Variants in C21orf58 observed in about 807,000 individuals in gnomAD.
C21orf58 encodes chromosome 21 open reading frame 58, also known as uncharacterized protein C21orf58.
Under a neutral mutation model 35.8 loss-of-function variants are expected in C21orf58, and 34 were observed. That is an observed-to-expected ratio of 0.95 (90% CI 0.72 to 1.26). The LOEUF (loss-of-function observed/expected upper bound fraction) is 1.26. C21orf58 is among the 50% of genes most tolerant of loss of function. C21orf58 has a pLI of 0.00. For synonymous variants in C21orf58, 191 were observed against 175.8 expected, an observed-to-expected ratio of 1.09 and a Z score of -0.68; for missense variants, 440 against 414.3, an observed-to-expected ratio of 1.06 and a Z score of -0.54.
rs572676692 is a variant in C21orf58, at chr21:46,301,667, G to A, written c.*332C>T. ...CGTCCACGGCCTCAACTTTACCTCC[G>A]TGATGGAAGAGGGGGATCTGAGGCT... On this transcript the variant is annotated 3_prime_UTR_variant, in exon 8 of 8. Coordinates refer to ENST00000291691, the MANE Select transcript of C21orf58 (RefSeq NM_058180.5). 28 of 1,119,544 alleles carry A rather than the reference G, an allele frequency of 2.5e-5. No homozygotes were observed. The East Asian group carries it at 5.3e-4, about 21-fold the overall frequency. The allele number at this position is 1,119,544 out of a possible 1,614,324, so 69.4% of individuals were successfully genotyped here.
intron 3 of C21orf58, among the ~76,000 whole-genome samples, chr21:46,316,665 C>T (rs1389110953): frequency 1.3e-5 from 2 of 152,242 alleles, no homozygotes; most frequent in East Asian, 1.9e-4. Flanking sequence ...GGTAGCCATT[C>T]TATTCCCTCG....
chr21:46,304,500 A>C (rs904795792), intron 6 of C21orf58, among the ~76,000 whole-genome samples: 13 of 151,726 alleles, frequency 8.6e-5, no homozygotes, highest in African/African-American at 3.1e-4. Context: ...AAAAAAAAAA[A>C]CCTCAAAAAA....
intron 6 of C21orf58, among the ~76,000 whole-genome samples, chr21:46,307,755 G>A (rs1185046405): frequency 7.9e-5 from 12 of 152,120 alleles, no homozygotes; most frequent in Non-Finnish European, 1.5e-5. Flanking sequence ...CAGATTTGAG[G>A]ACAGCTGTCA....
chr21:46,302,355 C>T, intron 7 of C21orf58, 130 bp downstream of exon 7: 1 of 1,060,060 alleles, frequency 9.4e-7, no homozygotes, highest in Non-Finnish European at 1.4e-6. Flanking sequence ...GGGATGGGGG[C>T]TTCACAGCCA....
chr21:46,322,607 G>T, intron 1 of C21orf58, 32 bp downstream of exon 1: 1 of 1,479,904 alleles, frequency 6.8e-7, no homozygotes, highest in Non-Finnish European at 9.0e-7. Flanking sequence ...TCCGAGTCTG[G>T]GAACCAGGAG....
intron 5 of C21orf58, among the ~76,000 whole-genome samples, chr21:46,312,159 AGAC>A (rs1203954484): frequency 2.6e-5 from 4 of 152,292 alleles, no homozygotes; most frequent in African/African-American, 9.6e-5. Flanking sequence ...GATTAACCCC[AGAC>A]ACTGAATAAA....
At position 46,301,398 on chromosome 21, in the gene C21orf58, C is replaced by T. The variant is rs1028808243; in HGVS notation, c.*601G>A. The T allele has an allele frequency of 2.4e-6, 2 of 828,674 alleles. No homozygotes were observed. Among genetic ancestry groups the T allele is most frequent in the Non-Finnish European group, 2.9e-6 (2 of 687,102 alleles). The allele number at this position is 828,674 out of a possible 1,614,324, so 51.3% of individuals were successfully genotyped here. ...CTGAGCTCAAGTGATCCTCCTGCCT[C>T]AGCCTCTTAAAGTGCTGGGATTACA... is the stretch of plus-strand genomic sequence containing the variant. On this transcript the variant is annotated 3_prime_UTR_variant, in exon 8 of 8. Coordinates refer to ENST00000291691, the MANE Select transcript of C21orf58 (RefSeq NM_058180.5).
At chr21:46,317,148 C>T in intron 3 of C21orf58, 60 bp downstream of exon 3, 4 of 1,534,328 alleles carry the variant, frequency 2.6e-6, no homozygotes, top group Non-Finnish European at 3.6e-6. Context: ...GGTGGCTCCC[C>T]CTGGAGTGGC....
chr21:46,312,596 G>T (rs1021950775), intron 5 of C21orf58, among the ~76,000 whole-genome samples: 1 of 152,188 alleles, frequency 6.6e-6, no homozygotes, highest in Non-Finnish European at 1.5e-5. Flanking sequence ...CCAGGCAGGG[G>T]AAATGCAGTA....
In C21orf58 at chr21:46,302,071, ATGGTGGTGGTGG is replaced by A; in HGVS notation, c.885_896del (p.His296_His299del). On this transcript the variant is annotated inframe_deletion, in exon 8 of 8. Coordinates refer to ENST00000291691, the MANE Select transcript of C21orf58 (RefSeq NM_058180.5). ...TGGCAGCCCCAGGTGGCCACACAGC[ATGGTGGTGGTGG>A]TGGTGGTGGTGCACGGCAGGCAGCC... 6.6e-7 allele frequency: 1 copy of A among 1,506,782 alleles called. No individual in the cohort carries two copies. The highest frequency in any genetic ancestry group is 8.9e-7 in the Non-Finnish European group (1 of 1,121,482). 93.3% of individuals were successfully genotyped at this position (1,506,782 alleles called of 1,614,324 possible).
chr21:46,317,149 C>T (rs1277195788), intron 3 of C21orf58, 59 bp downstream of exon 3: 2 of 1,541,216 alleles, frequency 1.3e-6, no homozygotes, highest in African/African-American at 1.4e-5. Context: ...GTGGCTCCCC[C>T]TGGAGTGGCT....
intron 6 of C21orf58, among the ~76,000 whole-genome samples, chr21:46,310,596 G>T (rs2082637345): frequency 6.6e-6 from 1 of 151,838 alleles, no homozygotes; most frequent in South Asian, 2.1e-4. Context: ...ATCACCTGAG[G>T]TTGGGAGTTC....
chr21:46,322,741 C>A lies in C21orf58; in HGVS notation c.-3G>T. The A allele has an allele frequency of 2.0e-6, 3 of 1,493,222 alleles. No homozygotes were observed. Among genetic ancestry groups the A allele is most frequent in the South Asian group, 1.3e-5 (1 of 77,470 alleles). 92.5% of individuals were successfully genotyped at this position (1,493,222 alleles called of 1,614,324 possible). ...GCAGGGAGCCGAGATCGCGCCATTG[C>A]GCTATAGCCTGGGCGTCGCAGCGAG... On this transcript the variant is annotated 5_prime_UTR_variant, in exon 1 of 8. Transcript: ENST00000291691.
chr21:46,315,032 G>C (rs1159778435), intron 4 of C21orf58, 152 bp from the exon 5 acceptor site: 1 of 1,529,448 alleles, frequency 6.5e-7, no homozygotes, highest in Non-Finnish European at 8.8e-7. Context: ...CCAGGGTTAT[G>C]TGCATGAGGG....
chr21:46,306,518 GA>G, intron 6 of C21orf58, among the ~76,000 whole-genome samples: 1 of 152,056 alleles, frequency 6.6e-6, no homozygotes. Flanking sequence ...AATCTTTTAT[GA>G]ATTCCTTTAG....
At chr21:46,311,662 A>G in intron 5 of C21orf58, 95 bp from the exon 6 acceptor site, 1 of 541,518 alleles carries the variant, frequency 1.8e-6, no homozygotes. Context: ...CATCCAACCA[A>G]CCAACCAACC....
At position 46,311,479 on chromosome 21, in the gene C21orf58, T is replaced by TGGG; in HGVS notation, c.697_698insCCC (p.Thr232_Gln233insPro). The TGGG allele has an allele frequency of 6.2e-7, 1 of 1,605,098 alleles. No homozygotes were observed. The highest frequency in any genetic ancestry group is 8.5e-7 in the Non-Finnish European group (1 of 1,173,744). On this transcript the variant is annotated inframe_insertion, in exon 6 of 8. Transcript: ENST00000291691. The stretch of plus-strand genomic sequence containing the variant: ...ACCTTCCTTAATACTTCCTGACCGT[T>TGGG]GAGTAGGGAAGGCCTGGGGAGGAGG...
At chr21:46,312,770 T>C (rs893347490) in intron 5 of C21orf58, among the ~76,000 whole-genome samples, 2 of 152,202 alleles carry the variant, frequency 1.3e-5, no homozygotes, top group Non-Finnish European at 2.9e-5. Context: ...GTTGAGCATC[T>C]GGGGCAGACC....
At chr21:46,321,275 T>C (rs2083148795) in intron 1 of C21orf58, among the ~76,000 whole-genome samples, 1 of 152,184 alleles carries the variant, frequency 6.6e-6, no homozygotes, top group African/African-American at 2.4e-5. Flanking sequence ...TTCAAGCGAT[T>C]CTTCTGCCTC....
Sources: gnomAD v4.1 joint callset for allele counts (sites outside exome capture counted in the v4.1 genomes callset) on GRCh38, gnomAD v4.1.1 for gene constraint, MANE v1.5 for transcripts, NCBI Gene and HGNC (gene_info 2026-07-23, HGNC 2026-07-21) for gene names.